Variants in PCDH15 observed in about 807,000 individuals in gnomAD.
The protein encoded by PCDH15 is protocadherin related 15, also known as protocadherin-15.
In PCDH15, 129 loss-of-function variants were observed where a neutral mutation model predicts 178.5. The ratio of observed to expected loss-of-function variants is 0.72; its 90% CI spans 0.63 to 0.84. The LOEUF is 0.84. PCDH15 is among the 40% of genes least tolerant of loss of function. The pLI is 0.00. For synonymous variants in PCDH15, 800 were observed against 732.0 expected, an observed-to-expected ratio of 1.09 and a Z score of -1.50; for missense variants, 2,230 against 2,099.9, an observed-to-expected ratio of 1.06 and a Z score of -1.21.
At chr10:55,100,769 T>C (rs897691075) in intron 2 of PCDH15, among the ~76,000 whole-genome samples, 3 of 152,102 alleles carry the variant, frequency 2.0e-5, no homozygotes, top group Admixed American at 6.6e-5. Flanking sequence ...ACACCTGTTG[T>C]TAAGCCCCAC....
In PCDH15 at chr10:55,442,468, T is replaced by TA. The variant is rs1252603774; in HGVS notation, c.-156+185156dup. Among the ~76,000 whole-genome samples, 18 of 48,894 alleles carry TA rather than the reference T, an allele frequency of 3.7e-4. No homozygotes were observed. In the East Asian group the frequency reaches 0.059, roughly 161 times the overall value. The allele number at this position is 48,894 out of a possible 152,430, so 32.1% of individuals were successfully genotyped here. A position where few individuals can be genotyped will look rare whatever the true frequency, so the allele number is the denominator to read the frequency against. ...TTCTTAATTTGATTATATATATATATATTATATATATATTATATATATATA... is the reference window on the plus strand; with the variant it reads ...TTCTTAATTTGATTATATATATATATAATTATATATATATTATATATATATA... On this transcript the variant is annotated intron_variant, in intron 2 of 5. Transcript: ENST00000613346.
At chr10:55,538,420 CCCTCCCTTCCTT>C (rs1564441823) in intron 2 of PCDH15, among the ~76,000 whole-genome samples, 15 of 95,428 alleles carry the variant, frequency 1.6e-4, no homozygotes, top group African/African-American at 6.4e-4. Flanking sequence ...CTTCCTCCCT[CCCTCCCTTCCTT>C]CCTTCCTCCC....
At chr10:54,261,200 A>G (rs2057292833) in intron 8 of PCDH15, among the ~76,000 whole-genome samples, 1 of 152,168 alleles carries the variant, frequency 6.6e-6, no homozygotes, top group Non-Finnish European at 1.5e-5. Context: ...AAAATCAGTG[A>G]GACCTTATTT....
chr10:55,318,799 C>A (rs1036583931), intron 1 of PCDH15, among the ~76,000 whole-genome samples: 7 of 152,120 alleles, frequency 4.6e-5, no homozygotes, highest in African/African-American at 1.7e-4. Context: ...TGTAATTAGA[C>A]ACATGTTGGT....
chr10:54,191,872 G>C (rs995314905), intron 11 of PCDH15, among the ~76,000 whole-genome samples: 1 of 151,280 alleles, frequency 6.6e-6, no homozygotes. Flanking sequence ...AGTGAGCCTG[G>C]ATTGTGACGC....
At chr10:54,939,352 G>A (rs886236328) in intron 2 of PCDH15, among the ~76,000 whole-genome samples, 6 of 151,376 alleles carry the variant, frequency 4.0e-5, no homozygotes, top group African/African-American at 9.7e-5. Context: ...AAAATTAGCC[G>A]GGCGTGGTGG....
intron 26 of PCDH15, among the ~76,000 whole-genome samples, chr10:53,873,290 C>T (rs1452942945): frequency 6.6e-6 from 1 of 152,198 alleles, no homozygotes; most frequent in Non-Finnish European, 1.5e-5. Flanking sequence ...CATCTCAGAT[C>T]AACAATCAGT....
intron 2 of PCDH15, among the ~76,000 whole-genome samples, chr10:55,047,926 A>C (rs944294206): frequency 1.3e-5 from 2 of 151,822 alleles, no homozygotes; most frequent in Non-Finnish European, 3.0e-5. Flanking sequence ...AAGTGTGTTG[A>C]TTGTGTTACT....
chr10:55,102,516 A>C (rs1842596973), intron 2 of PCDH15, among the ~76,000 whole-genome samples: 1 of 152,294 alleles, frequency 6.6e-6, no homozygotes, highest in African/African-American at 2.4e-5. Flanking sequence ...AAATAGAACA[A>C]TTATAAAAAG....
chr10:55,513,094 T>A (rs973531207), intron 2 of PCDH15: 5 of 152,256 alleles, frequency 3.3e-5, no homozygotes, highest in African/African-American at 1.2e-4. Flanking sequence ...ACGTAAAAAG[T>A]AATCGTTGAG....
intron 2 of PCDH15, among the ~76,000 whole-genome samples, chr10:55,145,414 A>G (rs1264608102): frequency 1.3e-5 from 2 of 152,008 alleles, no homozygotes; most frequent in East Asian, 1.9e-4. Flanking sequence ...AGGTGATTTT[A>G]TGTTTCTTTC....
At chr10:55,552,457 C>T (rs1842019808) in intron 2 of PCDH15, among the ~76,000 whole-genome samples, 1 of 151,438 alleles carries the variant, frequency 6.6e-6, no homozygotes, top group Non-Finnish European at 1.5e-5. Context: ...ATTATTAGTA[C>T]TAGCTGTGCT....
At chr10:53,916,952 A>G (rs994961661) in intron 25 of PCDH15, among the ~76,000 whole-genome samples, 1 of 152,122 alleles carries the variant, frequency 6.6e-6, no homozygotes, top group African/African-American at 2.4e-5. Flanking sequence ...AAAAAATACC[A>G]ATAGCATGAA....
intron 1 of PCDH15, among the ~76,000 whole-genome samples, chr10:54,705,730 A>G (rs548966272): frequency 6.6e-6 from 1 of 152,282 alleles, no homozygotes; most frequent in Admixed American, 6.5e-5. Context: ...GATTTGAAGA[A>G]TATTTACTTT....
intron 23 of PCDH15, among the ~76,000 whole-genome samples, chr10:53,951,326 CA>C (rs1303969677): frequency 1.2e-4 from 18 of 150,736 alleles, no homozygotes; most frequent in Admixed American, 2.0e-4. Context: ...CTCCCACCCC[CA>C]CCAAAAAATG....
At chr10:54,618,966 A>C (rs1252261710) in intron 2 of PCDH15, among the ~76,000 whole-genome samples, 1 of 152,060 alleles carries the variant, frequency 6.6e-6, no homozygotes, top group East Asian at 1.9e-4. Flanking sequence ...GGATGTTTTC[A>C]TTAAAAGAAA....
intron 23 of PCDH15, among the ~76,000 whole-genome samples, chr10:53,953,664 A>G (rs2087314561): frequency 6.6e-6 from 1 of 152,236 alleles, no homozygotes; most frequent in Admixed American, 6.5e-5. Flanking sequence ...GTGTTTTTAA[A>G]TAATGACAAC....
rs1180648676 is a variant in PCDH15 at position 55,544,351 on chromosome 10, AACACTGAATG to A, written c.-156+83264_-156+83273del. Reference sequence around the variant, plus strand: ...CTGACACACAACTGTTAAACCTTTTAACACTGAATGAGTACTGGATTTCTTCACGAATCAA... The same window carrying A: ...CTGACACACAACTGTTAAACCTTTTAAGTACTGGATTTCTTCACGAATCAA... On this transcript the variant is annotated intron_variant, in intron 2 of 5. Transcript: ENST00000613346. 2.6e-5 allele frequency among the ~76,000 whole-genome samples: 4 copies of A among 151,416 alleles called. No individual in the cohort carries two copies. In the Admixed American group the frequency reaches 2.6e-4, roughly 10 times the overall value.
intron 26 of PCDH15, among the ~76,000 whole-genome samples, chr10:53,888,699 A>ATATATC (rs1564693089): frequency 1.1e-4 from 6 of 56,504 alleles, no homozygotes; most frequent in African/African-American, 2.9e-4. Context: ...ATATATATAT[A>ATATATC]TATATCTCCT....
Sources: gnomAD v4.1 joint callset for allele counts (sites outside exome capture counted in the v4.1 genomes callset) on GRCh38, gnomAD v4.1.1 for gene constraint, MANE v1.5 for transcripts, NCBI Gene and HGNC (gene_info 2026-07-23, HGNC 2026-07-21) for gene names.